The following GRID2 variants were observed in gnomAD, a reference collection of about 807,000 sequenced individuals.
The protein encoded by GRID2 is glutamate ionotropic receptor delta type subunit 2, also known as glutamate receptor ionotropic, delta-2.
Under a neutral mutation model 114.8 loss-of-function variants are expected in GRID2, and 33 were observed. The ratio of observed to expected loss-of-function variants is 0.29; its 90% confidence interval spans 0.22 to 0.38. The LOEUF is 0.38. Among genes scored for constraint, GRID2 ranks in the 10% least tolerant of loss-of-function variants. The pLI, the probability that GRID2 is intolerant of heterozygous loss-of-function variation, is 1.00. For missense variants in GRID2, 1,184 were observed against 1,257.7 expected, an observed-to-expected ratio of 0.94 and a Z score of 0.89; for synonymous variants, 505 against 449.9, an observed-to-expected ratio of 1.12 and a Z score of -1.55.
At chr4:93,622,513 C>G (rs1232910650) in intron 13 of GRID2, among the ~76,000 whole-genome samples, 2 of 152,028 alleles carry the variant, frequency 1.3e-5, no homozygotes, top group African/African-American at 4.8e-5. Flanking sequence ...CACAAAAATC[C>G]CCTAGTAATT....
Position 92,782,324 on chromosome 4 carries a change from G to A in GRID2, c.244+192038G>A, listed in dbSNP as rs185973845. ...TTGCTAATGCTTATTTATTATCTTA[G>A]CGTTTTCAGACTTTTATTATTGTCA... is the stretch of plus-strand genomic sequence containing the variant. On this transcript the variant is annotated intron_variant, in intron 2 of 15. Coordinates refer to ENST00000282020, the MANE Select transcript of GRID2 (RefSeq NM_001510.4). Among the ~76,000 whole-genome samples, 127 of 151,886 alleles carry A rather than the reference G, an allele frequency of 8.4e-4. 1 individual carries two copies. Among genetic ancestry groups the A allele is most frequent in the Admixed American group, 8.1e-3 (124 of 15,242 alleles).
chr4:92,815,325 TA>T (rs1560608449), intron 2 of GRID2, among the ~76,000 whole-genome samples: 3 of 152,116 alleles, frequency 2.0e-5, no homozygotes, highest in Non-Finnish European at 4.4e-5. Flanking sequence ...TGGGTGTATA[TA>T]AAGTCAATAT....
chr4:92,514,124 A>T (rs1289281749), intron 1 of GRID2, among the ~76,000 whole-genome samples: 1 of 151,904 alleles, frequency 6.6e-6, no homozygotes, highest in Non-Finnish European at 1.5e-5. Context: ...TAAACTGCTT[A>T]TATGAGCCAA....
chr4:93,189,113 C>CA (rs1740725295), intron 4 of GRID2, among the ~76,000 whole-genome samples: 1 of 152,134 alleles, frequency 6.6e-6, no homozygotes, highest in Non-Finnish European at 1.5e-5. Context: ...TACCCAGTTC[C>CA]AAATCTGCTC....
intron 13 of GRID2, among the ~76,000 whole-genome samples, chr4:93,556,923 G>A (rs1161806426): frequency 1.3e-5 from 2 of 152,310 alleles, no homozygotes; most frequent in South Asian, 2.1e-4. Flanking sequence ...CCAGAAGAGA[G>A]TGGGGGCCAA....
intron 1 of GRID2, among the ~76,000 whole-genome samples, chr4:92,451,758 A>G (rs372587839): frequency 1.2e-4 from 18 of 152,320 alleles, no homozygotes; most frequent in African/African-American, 4.1e-4. Flanking sequence ...ACATTGAGCA[A>G]TAATTCAGGA....
chr4:93,425,611 T>C (rs1037906627), intron 10 of GRID2, among the ~76,000 whole-genome samples: 1 of 152,206 alleles, frequency 6.6e-6, no homozygotes, highest in South Asian at 2.1e-4. Flanking sequence ...CCCATATATG[T>C]GCAGTTTAGG....
chr4:92,704,701 A>ATCTCTC (rs778705188), intron 2 of GRID2, among the ~76,000 whole-genome samples: 3,640 of 111,692 alleles, frequency 0.033, 21 homozygotes, highest in East Asian at 0.072. Context: ...CAATCAATCA[A>ATCTCTC]TCTCTCTCTC....
At chr4:92,438,834 G>T (rs2110354967) in intron 1 of GRID2, among the ~76,000 whole-genome samples, 1 of 152,244 alleles carries the variant, frequency 6.6e-6, no homozygotes, top group East Asian at 1.9e-4. Flanking sequence ...TGTCCCCTGT[G>T]CATCTATTCA....
At chr4:93,602,714 T>C (rs1016001687) in intron 13 of GRID2, among the ~76,000 whole-genome samples, 1 of 152,210 alleles carries the variant, frequency 6.6e-6, no homozygotes, top group African/African-American at 2.4e-5. Context: ...CATAGCAATT[T>C]TGAAATTAGG....
At chr4:92,442,768 T>A (rs974584292) in intron 1 of GRID2, among the ~76,000 whole-genome samples, 2 of 152,166 alleles carry the variant, frequency 1.3e-5, no homozygotes, top group Non-Finnish European at 2.9e-5. Context: ...TGGATTTTTA[T>A]ATTTGATGAA....
intron 4 of GRID2, among the ~76,000 whole-genome samples, chr4:93,154,106 T>A (rs1239541293): frequency 2.0e-5 from 3 of 152,172 alleles, no homozygotes; most frequent in South Asian, 2.1e-4. Flanking sequence ...TGTTACCAAC[T>A]GATTAGGGTA....
chr4:93,504,976 C>A (rs1728488632), intron 12 of GRID2, among the ~76,000 whole-genome samples: 1 of 151,932 alleles, frequency 6.6e-6, no homozygotes, highest in African/African-American at 2.4e-5. Flanking sequence ...CAGGTATTGT[C>A]CATTTTCATT....
chr4:92,641,684 T>C (rs1731361133), intron 2 of GRID2, among the ~76,000 whole-genome samples: 1 of 151,662 alleles, frequency 6.6e-6, no homozygotes, highest in Non-Finnish European at 1.5e-5. Flanking sequence ...CCAACTTTTA[T>C]TTTCAATACA....
chr4:92,350,025 C>T (rs1422543174), intron 1 of GRID2, among the ~76,000 whole-genome samples: 1 of 151,896 alleles, frequency 6.6e-6, no homozygotes, highest in South Asian at 2.1e-4. Context: ...ATAACCATTA[C>T]ATATTACAAT....
chr4:93,194,122 G>A (rs1272544832), intron 4 of GRID2, among the ~76,000 whole-genome samples: 1 of 152,130 alleles, frequency 6.6e-6, no homozygotes, highest in Non-Finnish European at 1.5e-5. Flanking sequence ...AAGAAATAAA[G>A]AGCAGTGGAA....
intron 14 of GRID2, among the ~76,000 whole-genome samples, chr4:93,696,809 A>C (rs558825039): frequency 1.3e-5 from 2 of 152,246 alleles, no homozygotes; most frequent in South Asian, 4.1e-4. Context: ...TCCCTCCTCT[A>C]TAATCCCAAA....
At chr4:92,838,955 G>A (rs1422137351) in intron 2 of GRID2, 1 of 151,878 alleles carries the variant, frequency 6.6e-6, no homozygotes, top group Non-Finnish European at 1.5e-5. Context: ...TTCTATAGTT[G>A]CCACGAGCAA....
intron 11 of GRID2, among the ~76,000 whole-genome samples, chr4:93,464,238 A>AT (rs1392096101): frequency 6.6e-6 from 1 of 152,176 alleles, no homozygotes; most frequent in Non-Finnish European, 1.5e-5. Context: ...TAGAATATAA[A>AT]TTTGAAAATT....
Sources: allele counts gnomAD v4.1 joint callset (sites outside exome capture counted in the v4.1 genomes callset), GRCh38; gene constraint gnomAD v4.1.1; transcripts MANE v1.5; gene names NCBI Gene and HGNC (gene_info 2026-07-23, HGNC 2026-07-21).